ZNF609: variants seen among roughly 807,000 people sequenced by gnomAD.
ZNF609 encodes the protein zinc finger protein 609.
In ZNF609, 11 loss-of-function variants were observed where a neutral mutation model predicts 109.5. The ratio of observed to expected loss-of-function variants is 0.10; its 90% CI spans 0.06 to 0.17. The LOEUF (loss-of-function observed/expected upper bound fraction) is 0.17, where lower values mean the gene tolerates loss of function less well. Ranked by LOEUF, ZNF609 falls within the 10% of genes least tolerant of loss-of-function variation. The pLI, the probability that ZNF609 is intolerant of heterozygous loss-of-function variation, is 1.00. For missense variants in ZNF609, 1,559 were observed against 1,772.4 expected, an observed-to-expected ratio of 0.88 and a Z score of 2.16; for synonymous variants, 646 against 662.0, an observed-to-expected ratio of 0.98 and a Z score of 0.37.
intron 2 of ZNF609, among the ~76,000 whole-genome samples, chr15:64,597,539 AAGCAGC>A (rs1307257683): frequency 6.6e-6 from 1 of 152,134 alleles, no homozygotes; most frequent in African/African-American, 2.4e-5. Context: ...TTAATTTGAT[AAGCAGC>A]AGCGGCAGTT....
chr15:64,598,740 GTGTATATATATA>G lies in ZNF609; in HGVS notation c.748-24085_748-24074del, dbSNP rs1486215182. Among the ~76,000 whole-genome samples the G allele has an allele frequency of 2.2e-3, 184 of 84,714 alleles. 3 individuals are homozygous for G. The highest frequency in any genetic ancestry group is 7.4e-3 in the African/African-American group (165 of 22,162). 55.6% of individuals were successfully genotyped at this position (84,714 alleles called of 152,430 possible). On this transcript the variant is annotated intron_variant, in intron 2 of 9. Coordinates refer to ENST00000326648, the MANE Select transcript of ZNF609 (RefSeq NM_015042.2). ...AACTGTCCATCATACATCTTTGTGT[GTGTATATATATA>G]TATATATATATATATATATATATAT...
rs892536903 is a variant in ZNF609, at chr15:64,662,508, A to G, written c.974-7838A>G. Among the ~76,000 whole-genome samples the G allele has an allele frequency of 6.6e-5, 10 of 152,318 alleles. No individual in the cohort carries two copies. In the South Asian group the frequency reaches 2.1e-3, roughly 32 times the overall value. On this transcript the variant is annotated intron_variant, in intron 3 of 9. Transcript: ENST00000326648. ...GCCCAGATAATTTAAAGAATTTTTT[A>G]GAGACAGGGTCTCACTACATTGCCC...
At chr15:64,496,456 T>A (rs186612782) in intron 1 of ZNF609, among the ~76,000 whole-genome samples, 10 of 152,316 alleles carry the variant, frequency 6.6e-5, no homozygotes, top group Admixed American at 6.5e-4. Flanking sequence ...ATTGCAAAGA[T>A]TAGAGAACTA....
At chr15:64,518,847 A>G (rs1893851744) in intron 2 of ZNF609, among the ~76,000 whole-genome samples, 1 of 152,024 alleles carries the variant, frequency 6.6e-6, no homozygotes, top group African/African-American at 2.4e-5. Context: ...ATAGGAGGGA[A>G]CACTGAAAAG....
At chr15:64,625,446 G>A (rs149174317) in intron 3 of ZNF609, among the ~76,000 whole-genome samples, 20 of 152,174 alleles carry the variant, frequency 1.3e-4, no homozygotes, top group African/African-American at 2.4e-4. Context: ...CTTGAACCCC[G>A]GAGGTGGAGG....
chr15:64,653,636 A>G (rs1381580110), intron 3 of ZNF609, among the ~76,000 whole-genome samples: 1 of 151,564 alleles, frequency 6.6e-6, no homozygotes, highest in Non-Finnish European at 1.5e-5. Context: ...ACAGAGCTAG[A>G]CTCCGTCTCC....
chr15:64,470,975 T>C (rs567883), intron 1 of ZNF609, among the ~76,000 whole-genome samples: 113,032 of 152,208 alleles, frequency 0.74, 45,512 homozygotes, highest in East Asian at 0.96. Flanking sequence ...GCTGGTCTTT[T>C]AGTCTTCTGT....
chr15:64,490,022 G>A (rs1268962337), intron 1 of ZNF609, among the ~76,000 whole-genome samples: 1 of 152,196 alleles, frequency 6.6e-6, no homozygotes, highest in Non-Finnish European at 1.5e-5. Flanking sequence ...GCAGTGGCAT[G>A]ATCACAGCTC....
chr15:64,650,311 G>A (rs1262333235), intron 3 of ZNF609, among the ~76,000 whole-genome samples: 2 of 151,376 alleles, frequency 1.3e-5, no homozygotes, highest in Admixed American at 1.3e-4. Flanking sequence ...CAGCTACTTG[G>A]GAGGCTGAGG....
At chr15:64,595,710 A>G (rs1459471743) in intron 2 of ZNF609, among the ~76,000 whole-genome samples, 1 of 152,180 alleles carries the variant, frequency 6.6e-6, no homozygotes, top group African/African-American at 2.4e-5. Flanking sequence ...GATAAATGGT[A>G]AAAAACTGGG....
At chr15:64,578,163 T>C (rs1266178783) in intron 2 of ZNF609, among the ~76,000 whole-genome samples, 2 of 151,962 alleles carry the variant, frequency 1.3e-5, no homozygotes, top group African/African-American at 4.8e-5. Context: ...TTTTATTTTT[T>C]TGAGACAGTC....
chr15:64,472,238 A>T (rs900088659), intron 1 of ZNF609, among the ~76,000 whole-genome samples: 5 of 152,192 alleles, frequency 3.3e-5, no homozygotes, highest in Admixed American at 1.3e-4. Context: ...TAGATGGTTT[A>T]AAAAAAGTGT....
chr15:64,576,906 A>ATGTATATATACATATATG (rs1187590965), intron 2 of ZNF609, among the ~76,000 whole-genome samples: 3 of 132,038 alleles, frequency 2.3e-5, no homozygotes, highest in Non-Finnish European at 3.4e-5. Flanking sequence ...ATACATATAT[A>ATGTATATATACATATATG]TGTATATATA....
chr15:64,475,307 A>G (rs1170224743), intron 1 of ZNF609, among the ~76,000 whole-genome samples: 1 of 144,542 alleles, frequency 6.9e-6, no homozygotes, highest in Non-Finnish European at 1.5e-5. Context: ...CTTCCTATCC[A>G]CCTATCTCCA....
intron 2 of ZNF609, among the ~76,000 whole-genome samples, chr15:64,532,239 C>T (rs568621769): frequency 6.6e-6 from 1 of 152,334 alleles, no homozygotes; most frequent in East Asian, 1.9e-4. Context: ...TTGCAACCAC[C>T]TCTGTACCCT....
chr15:64,595,188 C>T (rs886211871), intron 2 of ZNF609, among the ~76,000 whole-genome samples: 50 of 150,518 alleles, frequency 3.3e-4, no homozygotes, highest in African/African-American at 1.2e-3. Flanking sequence ...GGTGAAACCC[C>T]GTCTCTACTA....
intron 3 of ZNF609, among the ~76,000 whole-genome samples, chr15:64,662,309 G>A (rs1896589105): frequency 2.0e-5 from 3 of 152,048 alleles, no homozygotes; most frequent in Non-Finnish European, 4.4e-5. Context: ...GTTGCTAAAG[G>A]CAGCTCACAC....
intron 2 of ZNF609, among the ~76,000 whole-genome samples, chr15:64,591,501 T>TA (rs35015194): frequency 2.0e-5 from 3 of 151,980 alleles, no homozygotes; most frequent in Non-Finnish European, 2.9e-5. Context: ...AAAAATGTTT[T>TA]AAAAAAAGCC....
At chr15:64,572,433 GTTTTA>G (rs1894873499) in intron 2 of ZNF609, among the ~76,000 whole-genome samples, 2 of 152,012 alleles carry the variant, frequency 1.3e-5, no homozygotes, top group African/African-American at 4.8e-5. Flanking sequence ...ATTGATCCCT[GTTTTA>G]TTTTCTCCAT....
Sources: allele counts gnomAD v4.1 joint callset (sites outside exome capture counted in the v4.1 genomes callset), GRCh38; gene constraint gnomAD v4.1.1; transcripts MANE v1.5; gene names NCBI Gene and HGNC (gene_info 2026-07-23, HGNC 2026-07-21).